Variants in ARHGAP9 observed in about 807,000 individuals in gnomAD.
The protein encoded by ARHGAP9 is rho GTPase-activating protein 9.
In ARHGAP9, 76 loss-of-function variants were observed where a neutral mutation model predicts 87.3. The observed-to-expected ratio is 0.87, with a 90% confidence interval of 0.72 to 1.05. ARHGAP9 has a LOEUF of 1.05. ARHGAP9 is among the 50% of genes least tolerant of loss of function. ARHGAP9 has a pLI of 0.00. For synonymous variants in ARHGAP9, 382 were observed against 394.9 expected, an observed-to-expected ratio of 0.97 and a Z score of 0.39; for missense variants, 941 against 960.5, an observed-to-expected ratio of 0.98 and a Z score of 0.27.
At chr12:57,480,858 T>G (rs1594795740), upstream of ARHGAP9, 1 of 1,547,992 alleles carries the variant, frequency 6.5e-7, no homozygotes. Context: ...GAGAGGTGGG[T>G]TAAGGAGCGA....
chr12:57,479,585 G>A, intron 1 of ARHGAP9, 145 bp downstream of exon 1: 1 of 1,524,784 alleles, frequency 6.6e-7, no homozygotes, highest in Middle Eastern at 2.2e-4. Flanking sequence ...ATCGGTGACA[G>A]GTTTTGGGGG....
chr12:57,477,424 A>G lies in ARHGAP9; in HGVS notation c.756+35T>C, dbSNP rs769762854. The stretch of plus-strand genomic sequence containing the variant: ...GTTCATCAGGGGAAGGAAGAGCTTG[A>G]GGGGACAGTGGAGAAGCAGGAGGTA... On this transcript the variant is annotated intron_variant, in intron 4 of 17. Coordinates refer to ENST00000393791, the MANE Select transcript of ARHGAP9 (RefSeq NM_032496.4). The G allele has an allele frequency of 3.1e-6, 5 of 1,605,698 alleles. No individual in the cohort carries two copies. The Admixed American group carries it at 8.4e-5, about 27-fold the overall frequency.
In ARHGAP9 at chr12:57,476,422, G is replaced by T. The variant is rs771714448; in HGVS notation, c.1058C>A (p.Thr353Lys). ...KNWGPSWVVLTGNSLVFYREP... is the reference protein window; with the variant it reads ...KNWGPSWVVLKGNSLVFYREP... ...TCGGTAGAACACCAGGCTGTTACCC[G>T]TTAACACCACCCAAGACGGGCCCCA... The change falls in exon 8 of 18, where the codon ACG becomes AAG. Residue 353 changes from threonine to lysine, a missense_variant. Coordinates refer to ENST00000393791, the MANE Select transcript of ARHGAP9 (RefSeq NM_032496.4). The T allele has an allele frequency of 5.6e-6, 9 of 1,614,098 alleles. No individual in the cohort carries two copies. Among genetic ancestry groups the T allele is most frequent in the Non-Finnish European group, 5.9e-6 (7 of 1,180,018 alleles).
Position 57,475,635 on chromosome 12 carries a change from T to C in ARHGAP9, c.1312-20A>G. On this transcript the variant is annotated intron_variant, in intron 10 of 17. Transcript: ENST00000393791. ...CCGATCCTAGACCCGGGGCGGGCCG[T>C]GTCGAAGGTGAGAGAGGAGAGAAAT... is the stretch of plus-strand genomic sequence containing the variant. The C allele has an allele frequency of 6.2e-7, 1 of 1,603,854 alleles. No homozygotes were observed. Among genetic ancestry groups the C allele is most frequent in the Non-Finnish European group, 8.5e-7 (1 of 1,175,330 alleles).
At position 57,475,499 on chromosome 12, in the gene ARHGAP9, G is replaced by A; in HGVS notation, c.1428C>T (p.Ser476=). ...GCGCCTCACTGGAGCTCCGGCGGCT[G>A]CTGAGGCGCAGCAGCGGCTTGGACA... ...ELVSKPLLRL[S]SRRSSIRGPE... is the part of the protein sequence containing the mutation. The change falls in exon 11 of 18, where the codon AGC becomes AGT. Residue 476 remains serine (S), a synonymous_variant. Coordinates refer to ENST00000393791, the MANE Select transcript of ARHGAP9 (RefSeq NM_032496.4). The A allele has an allele frequency of 1.2e-6, 2 of 1,604,538 alleles. No individual in the cohort carries two copies. Among genetic ancestry groups the A allele is most frequent in the South Asian group, 1.1e-5 (1 of 89,646 alleles).
Position 57,479,234 on chromosome 12 carries a change from T to C in ARHGAP9, c.173A>G (p.Asn58Ser). 2 of 1,613,790 alleles carry C rather than the reference T, an allele frequency of 1.2e-6. No individual in the cohort carries two copies. Among genetic ancestry groups the C allele is most frequent in the East Asian group, 2.2e-5 (1 of 44,862 alleles). ...GCGTCTTGCCAACCACCAGTCGGAG[T>C]TGGTCTTTCGAAGCAGTAGGAACCT... ...GDRFLLLRKT[N>S]SDWWLARRLE... Residue 58 changes from asparagine to serine, a missense_variant, in exon 2 of 18, where the codon AAC becomes AGC. Coordinates refer to ENST00000393791, the MANE Select transcript of ARHGAP9 (RefSeq NM_032496.4).
chr12:57,486,928 G>T (rs865896125), intron 1 of ARHGAP9, among the ~76,000 whole-genome samples: 2 of 149,960 alleles, frequency 1.3e-5, no homozygotes, highest in Non-Finnish European at 3.0e-5. Flanking sequence ...CCCCTTTGAT[G>T]AGACGTCGAG....
In ARHGAP9 at chr12:57,475,534, A is replaced by G. The variant is rs1555159725; in HGVS notation, c.1393T>C (p.Ser465Pro). Reference protein sequence around the residue: ...LSAGEDEEEESELVSKPLLRL... With the variant: ...LSAGEDEEEEPELVSKPLLRL... The stretch of plus-strand genomic sequence containing the variant: ...AGCAGCGGCTTGGACACCAGCTCCG[A>G]CTCCTCTTCTTCGTCCTCCCCGGCG... Residue 465 changes from serine to proline, a missense_variant, in exon 11 of 18, where the codon TCG (serine) becomes CCG (proline). Ser to Pro is a moderately conservative substitution (Grantham distance 74). Coordinates refer to ENST00000393791, the MANE Select transcript of ARHGAP9 (RefSeq NM_032496.4). 2 of 1,601,442 alleles carry G rather than the reference A, an allele frequency of 1.2e-6. No individual in the cohort carries two copies. Among genetic ancestry groups the G allele is most frequent in the East Asian group, 2.3e-5 (1 of 44,182 alleles).
intron 1 of ARHGAP9, chr12:57,488,226 T>C (rs767693849): frequency 2.5e-6 from 4 of 1,591,580 alleles, no homozygotes; most frequent in Admixed American, 3.4e-5. Context: ...TGGTGGGCGG[T>C]GGATGGGGGG....
At position 57,474,101 on chromosome 12, in the gene ARHGAP9, C is replaced by T. The variant is rs896074672; in HGVS notation, c.1859G>A (p.Arg620Gln). Residue 620 changes from arginine to glutamine, a missense_variant, in exon 16 of 18, where the codon CGG becomes CAG. Physicochemically the swap from Arg to Gln is conservative, Grantham distance 43. Transcript: ENST00000393791. ...VVTGALKLFL[R>Q]ELPQPLVPPL... ...TGGCACCAGAGGCTGGGGCAGCTCC[C>T]GGAGAAAAAGCTTCAGGGCTCCGGT... 30 of 1,613,974 alleles carry T rather than the reference C, an allele frequency of 1.9e-5. No individual in the cohort carries two copies. The highest frequency in any genetic ancestry group is 2.7e-5 in the African/African-American group (2 of 74,902).
chr12:57,474,174 C>G lies in ARHGAP9; in HGVS notation c.1786G>C (p.Gly596Arg), dbSNP rs1224461485. 6.2e-7 allele frequency: 1 copy of G among 1,611,494 alleles called. No homozygotes were observed. The highest frequency in any genetic ancestry group is 8.5e-7 in the Non-Finnish European group (1 of 1,178,232). ...TCAGTACTGTCCAAATCTAACCGAC[C>G]TTCTGGAGGGAGAAGGAGGTATAGG... ...YVFPEQPGQE[G>R]RLDLDSTEWD... is the part of the protein sequence containing the mutation. Residue 596 changes from glycine (G) to arginine (R), a missense_variant and splice_region_variant, in exon 16 of 18, where the codon GGT (glycine) becomes CGT (arginine). Coordinates refer to ENST00000393791, the MANE Select transcript of ARHGAP9 (RefSeq NM_032496.4).
intron 4 of ARHGAP9, 73 bp from the exon 5 acceptor site, chr12:57,477,342 C>T: frequency 2.6e-6 from 4 of 1,516,098 alleles, no homozygotes; most frequent in Non-Finnish European, 3.6e-6. Context: ...CCTTCTTATA[C>T]TTGGCTGATT....
chr12:57,486,060 G>C (rs905667256), intron 1 of ARHGAP9, among the ~76,000 whole-genome samples: 2 of 152,114 alleles, frequency 1.3e-5, no homozygotes, highest in Non-Finnish European at 1.5e-5. Context: ...AACTTCTTAT[G>C]GCCTAGCTTC....
intron 15 of ARHGAP9, 98 bp from the exon 16 acceptor site, chr12:57,474,274 T>C (rs751591604): frequency 8.2e-6 from 13 of 1,580,872 alleles, no homozygotes; most frequent in Non-Finnish European, 1.1e-5. Flanking sequence ...AAGCAGACTA[T>C]AGGAATGCCT....
At chr12:57,484,355 A>AG (rs944762088), upstream of ARHGAP9, among the ~76,000 whole-genome samples, 4 of 151,468 alleles carry the variant, frequency 2.6e-5, no homozygotes, top group African/African-American at 9.7e-5. Flanking sequence ...CTGTCTCAAA[A>AG]AAAAAAAAAA....
rs557077108 is a variant in ARHGAP9, at chr12:57,474,715, G to A, written c.1652-12C>T. 1 of 1,614,110 alleles carries A rather than the reference G, an allele frequency of 6.2e-7. No homozygotes were observed. The highest frequency in any genetic ancestry group is 2.2e-5 in the East Asian group (1 of 44,882). On this transcript the variant is annotated splice_polypyrimidine_tract_variant and intron_variant, in intron 13 of 17. Transcript: ENST00000393791. ...ATCCACATCTAGACCTGGGAGATGA[G>A]GAAGGAGTAGATAAGGACTGCTGCT... is the stretch of plus-strand genomic sequence containing the variant.
At chr12:57,485,038 C>T (rs979814382) in intron 1 of ARHGAP9, among the ~76,000 whole-genome samples, 4 of 151,648 alleles carry the variant, frequency 2.6e-5, no homozygotes, top group Admixed American at 6.6e-5. Flanking sequence ...CTCTGCCTCC[C>T]GGGTTCAAGT....
intron 5 of ARHGAP9, 26 bp downstream of exon 5, chr12:57,477,130 T>A (rs368119398): frequency 4.6e-5 from 74 of 1,610,564 alleles, no homozygotes; most frequent in Non-Finnish European, 6.8e-6. Flanking sequence ...TTTCTGCATG[T>A]GACTGGGAGA....
At chr12:57,480,233 G>T, upstream of ARHGAP9, 1 of 625,890 alleles carries the variant, frequency 1.6e-6, no homozygotes, top group Non-Finnish European at 2.0e-6. Context: ...CCAGGCTGGA[G>T]TGTGATGGCG....
Sources: gnomAD v4.1 joint callset for allele counts (sites outside exome capture counted in the v4.1 genomes callset) on GRCh38, gnomAD v4.1.1 for gene constraint, MANE v1.5 for transcripts, NCBI Gene and HGNC (gene_info 2026-07-23, HGNC 2026-07-21) for gene names.